PHF24: variants seen among roughly 807,000 people sequenced by gnomAD.
PHF24 encodes the protein Galpha inhibitory interacting protein.
Under a neutral mutation model 42.6 loss-of-function variants are expected in PHF24, and 25 were observed. The observed-to-expected ratio is 0.59, with a 90% CI of 0.43 to 0.82. PHF24 has a LOEUF of 0.82. PHF24 is among the 40% of genes least tolerant of loss of function. The probability of loss-of-function intolerance (pLI) is 0.00; values close to 1 mark genes in which losing one functional copy is unlikely to be tolerated. For synonymous variants in PHF24, 185 were observed against 204.8 expected (o/e 0.90, Z 0.83); for missense variants, 470 against 538.1 (o/e 0.87, Z 1.25).
chr9:34,924,147 T>C, the PHF24 span, among the ~76,000 whole-genome samples: 1 of 152,230 alleles, frequency 6.6e-6, no homozygotes, highest in African/African-American at 2.4e-5. Context: ...TTTTATTCCA[T>C]TTTGGTCATA....
the PHF24 span, among the ~76,000 whole-genome samples, chr9:34,929,972 T>C: frequency 3.3e-5 from 5 of 152,264 alleles, no homozygotes; most frequent in Admixed American, 1.3e-4. Flanking sequence ...TATATTTGCA[T>C]TTCATGCTTA....
the PHF24 span, among the ~76,000 whole-genome samples, chr9:34,758,610 TG>T: frequency 2.0e-5 from 3 of 152,108 alleles, no homozygotes; most frequent in Non-Finnish European, 2.9e-5. This position sits in a 1 kb window ranked among gnomAD's most constrained non-coding sequence, Gnocchi z 4.4. Context: ...GGAGGTGCAG[TG>T]GCTACTGGCC....
the PHF24 span, among the ~76,000 whole-genome samples, chr9:34,854,753 T>A: frequency 6.6e-6 from 1 of 152,252 alleles, no homozygotes; most frequent in Admixed American, 6.5e-5. Context: ...ATATATCCTG[T>A]CATTTTTGGG....
chr9:34,835,641 T>A, the PHF24 span: 1 of 1,551,580 alleles, frequency 6.4e-7, no homozygotes, highest in African/African-American at 1.4e-5. Flanking sequence ...TTGAAGAAGC[T>A]ATGGTGTTTG....
At chr9:34,713,218 G>A in the PHF24 span, among the ~76,000 whole-genome samples, 16 of 152,060 alleles carry the variant, frequency 1.1e-4, no homozygotes, top group Admixed American at 3.3e-4. Flanking sequence ...TTCCTTCCCC[G>A]CAAAAAGATT....
intron 1 of PHF24, among the ~76,000 whole-genome samples, chr9:34,963,263 T>G (rs1429126453): frequency 1.3e-5 from 2 of 151,360 alleles, no homozygotes; most frequent in South Asian, 2.1e-4. Context: ...TGATGGTTTT[T>G]TTTTTTTTTT....
chr9:34,958,307 A>C (rs1313152943), upstream of PHF24: 3 of 150,696 alleles, frequency 2.0e-5, no homozygotes, highest in Non-Finnish European at 4.4e-5. The surrounding 1 kb of genome is among the most constrained non-coding windows in gnomAD (Gnocchi z 4.5). Flanking sequence ...CGCTCGGCCC[A>C]GCACGCCGGC....
chr9:34,732,617 T>G, the PHF24 span, among the ~76,000 whole-genome samples: 8 of 152,242 alleles, frequency 5.3e-5, no homozygotes, highest in Non-Finnish European at 1.2e-4. Flanking sequence ...GCTTTTTAAC[T>G]TGATGTGAGC....
chr9:34,781,270 A>G, the PHF24 span, among the ~76,000 whole-genome samples: 4 of 152,234 alleles, frequency 2.6e-5, no homozygotes, highest in Admixed American at 1.3e-4. Context: ...TGGTATATAG[A>G]TATAATAAAA....
chr9:34,969,236 G>A (rs183009328), intron 1 of PHF24, among the ~76,000 whole-genome samples: 2 of 152,310 alleles, frequency 1.3e-5, no homozygotes. Context: ...CTCGACACCT[G>A]AATGTCCCAG....
chr9:34,703,724 A>G, the PHF24 span, among the ~76,000 whole-genome samples: 1 of 101,098 alleles, frequency 9.9e-6, no homozygotes, highest in South Asian at 3.9e-4. Flanking sequence ...TTTCACTTAA[A>G]AAAAAGTTTC....
the PHF24 span, among the ~76,000 whole-genome samples, chr9:34,849,621 T>C: frequency 5.3e-5 from 8 of 152,216 alleles, no homozygotes; most frequent in African/African-American, 1.4e-4. Flanking sequence ...AATATTGTTA[T>C]GTGTGAATTT....
At chr9:34,807,748 C>T in the PHF24 span, among the ~76,000 whole-genome samples, 23 of 152,024 alleles carry the variant, frequency 1.5e-4, no homozygotes, top group Non-Finnish European at 1.5e-5. Flanking sequence ...TGAAGAGTAA[C>T]AATAGCATCA....
the PHF24 span, among the ~76,000 whole-genome samples, chr9:34,832,140 C>G: frequency 6.6e-6 from 1 of 152,148 alleles, no homozygotes; most frequent in Admixed American, 6.5e-5. Context: ...GAGTGCATTT[C>G]TAGTGGCACC....
the PHF24 span, chr9:34,834,735 C>A: frequency 6.5e-7 from 1 of 1,540,310 alleles, no homozygotes; most frequent in Non-Finnish European, 8.8e-7. Flanking sequence ...AGGTGCCACT[C>A]CAAGGCTTCA....
chr9:34,709,958 G>A, the PHF24 span: 1 of 1,614,068 alleles, frequency 6.2e-7, no homozygotes, highest in African/African-American at 1.3e-5. Flanking sequence ...CAGGCCTCTT[G>A]ATCCCCTTAG....
chr9:34,734,086 A>C, the PHF24 span, among the ~76,000 whole-genome samples: 1 of 152,230 alleles, frequency 6.6e-6, no homozygotes, highest in Non-Finnish European at 1.5e-5. Context: ...AGAAATCACA[A>C]GACACTGTAA....
the PHF24 span, among the ~76,000 whole-genome samples, chr9:34,767,122 T>C: frequency 7.9e-5 from 12 of 152,246 alleles, no homozygotes; most frequent in Admixed American, 4.6e-4. Context: ...CTGGGGGGTG[T>C]CTCCCAGTTA....
At chr9:34,913,758 G>T in the PHF24 span, among the ~76,000 whole-genome samples, 1 of 152,130 alleles carries the variant, frequency 6.6e-6, no homozygotes, top group Non-Finnish European at 1.5e-5. Flanking sequence ...TACTCTCAGG[G>T]CACAGTAGGT....
Sources: gnomAD v4.1 joint callset for allele counts (sites outside exome capture counted in the v4.1 genomes callset) on GRCh38, gnomAD v4.1.1 for gene constraint, Gnocchi (gnomAD v3.1) non-coding constraint, MANE v1.5 for transcripts, NCBI Gene and HGNC (gene_info 2026-07-23, HGNC 2026-07-21) for gene names.